The following ANKRD28 variants were observed in gnomAD, a reference collection of about 807,000 sequenced individuals.
ANKRD28 encodes the protein serine/threonine-protein phosphatase 6 regulatory ankyrin repeat subunit A.
Under a neutral mutation model 126.5 loss-of-function variants are expected in ANKRD28, and 44 were observed. That is an observed-to-expected ratio of 0.35 (90% CI 0.27 to 0.45). The LOEUF (loss-of-function observed/expected upper bound fraction) is 0.45, where lower values mean the gene tolerates loss of function less well. ANKRD28 is among the 20% of genes least tolerant of loss of function. ANKRD28 has a pLI of 1.00. For synonymous variants in ANKRD28, 442 were observed against 468.5 expected (o/e 0.94, Z 0.73); for missense variants, 1,110 against 1,316.6 (o/e 0.84, Z 2.43).
chr3:15,805,923 C>T (rs547101180), intron 1 of ANKRD28, among the ~76,000 whole-genome samples: 3 of 152,192 alleles, frequency 2.0e-5, no homozygotes, highest in South Asian at 2.1e-4. Context: ...CAACTGCATA[C>T]ATCACTTCCG....
At chr3:15,841,014 G>T (rs1005435002) in intron 1 of ANKRD28, among the ~76,000 whole-genome samples, 1 of 152,120 alleles carries the variant, frequency 6.6e-6, no homozygotes, top group Non-Finnish European at 1.5e-5. Context: ...GATGGTGCAC[G>T]CCTGTAATCC....
intron 6 of ANKRD28, among the ~76,000 whole-genome samples, chr3:15,727,410 T>C (rs2074248269): frequency 6.6e-6 from 1 of 150,716 alleles, no homozygotes; most frequent in Non-Finnish European, 1.5e-5. Flanking sequence ...CTACTAAAAG[T>C]ACAAAAATTA....
In ANKRD28 at chr3:15,854,371, T is replaced by A. The variant is rs546007822; in HGVS notation, c.27+5006A>T. Among the ~76,000 whole-genome samples, 4 of 152,354 alleles carry A rather than the reference T, an allele frequency of 2.6e-5. No homozygotes were observed. The South Asian group carries it at 8.3e-4, about 32-fold the overall frequency. ...CCCTCTTGTTGCTTTCATTGACAAC[T>A]GCTTGCTTTCAACATCCACATATAC... is the stretch of plus-strand genomic sequence containing the variant. On this transcript the variant is annotated intron_variant, in intron 1 of 27. Coordinates refer to the ANKRD28 transcript ENST00000399451. This position sits in a 1 kb window ranked among gnomAD's most constrained non-coding sequence, Gnocchi z 4.1.
At chr3:15,755,191 A>C (rs1375242217) in intron 3 of ANKRD28, among the ~76,000 whole-genome samples, 1 of 152,236 alleles carries the variant, frequency 6.6e-6, no homozygotes, top group African/African-American at 2.4e-5. Context: ...AGCCTAATCA[A>C]ATGTTTTTAA....
chr3:15,823,308 C>T (rs1347893138), intron 1 of ANKRD28, among the ~76,000 whole-genome samples: 3 of 152,206 alleles, frequency 2.0e-5, no homozygotes, highest in Admixed American at 6.5e-5. Context: ...TTGAAGGCCG[C>T]TCACCTCCTG....
chr3:15,837,413 A>G (rs1295369722), intron 1 of ANKRD28, among the ~76,000 whole-genome samples: 1 of 152,224 alleles, frequency 6.6e-6, no homozygotes, highest in African/African-American at 2.4e-5. Flanking sequence ...CAAGTCTCAA[A>G]TTTAAAAGAA....
intron 1 of ANKRD28, among the ~76,000 whole-genome samples, chr3:15,828,183 G>A (rs1480705414): frequency 2.0e-5 from 3 of 152,162 alleles, no homozygotes; most frequent in Non-Finnish European, 2.9e-5. Flanking sequence ...CAGATCTGAT[G>A]AATGGAGAAT....
chr3:15,671,080 CACTT>C (rs1434489420), intron 27 of ANKRD28, among the ~76,000 whole-genome samples: 1 of 152,222 alleles, frequency 6.6e-6, no homozygotes, highest in East Asian at 1.9e-4. Flanking sequence ...GAATGAATGA[CACTT>C]AGTTGTCAAT....
intron 3 of ANKRD28, among the ~76,000 whole-genome samples, chr3:15,763,811 TA>T (rs2058613559): frequency 6.6e-6 from 1 of 152,166 alleles, no homozygotes; most frequent in African/African-American, 2.4e-5. Flanking sequence ...AAGGCCAATG[TA>T]AAAACTTAAT....
intron 2 of ANKRD28, among the ~76,000 whole-genome samples, chr3:15,787,112 T>C (rs1437817546): frequency 5.3e-5 from 8 of 152,064 alleles, no homozygotes; most frequent in Admixed American, 5.2e-4. Flanking sequence ...TTATAAAGAA[T>C]GAGGAAAGTC....
At chr3:15,695,388 T>A (rs1299360100) in intron 15 of ANKRD28, among the ~76,000 whole-genome samples, 174 bp from the exon 16 acceptor site, 1 of 152,140 alleles carries the variant, frequency 6.6e-6, no homozygotes, top group East Asian at 1.9e-4. Context: ...CAAATCTATA[T>A]ACATAGGTCT....
intron 2 of ANKRD28, among the ~76,000 whole-genome samples, chr3:15,786,746 A>G (rs529181519): frequency 7.9e-5 from 12 of 152,230 alleles, no homozygotes; most frequent in African/African-American, 2.4e-4. Context: ...GCTATACCAT[A>G]TAACTATCAA....
chr3:15,778,006 C>T (rs9840256), intron 2 of ANKRD28, among the ~76,000 whole-genome samples: 212 of 152,144 alleles, frequency 1.4e-3, no homozygotes, highest in Non-Finnish European at 2.7e-3. Context: ...TATATTCATT[C>T]GCTTCTAACA....
At chr3:15,827,222 A>C (rs919552065) in intron 1 of ANKRD28, among the ~76,000 whole-genome samples, 8 of 152,170 alleles carry the variant, frequency 5.3e-5, no homozygotes, top group Admixed American at 3.3e-4. Flanking sequence ...TCCTCAAAAA[A>C]TTAAAAATAA....
At chr3:15,765,616 C>T (rs186967848) in intron 3 of ANKRD28, among the ~76,000 whole-genome samples, 3 of 152,152 alleles carry the variant, frequency 2.0e-5, no homozygotes, top group East Asian at 3.9e-4. Flanking sequence ...CCAAGACAGG[C>T]AGATCACAAG....
rs570622244 is a variant in ANKRD28, at chr3:15,687,108, A to AT, written c.1964-800dup. Among the ~76,000 whole-genome samples the AT allele has an allele frequency of 5.8e-3, 877 of 151,316 alleles. 5 individuals are homozygous for AT. Among genetic ancestry groups the AT allele is most frequent in the African/African-American group, 0.02 (825 of 41,166 alleles). ...CAGGCGCCTGCCACCACACCCGGCG[A>AT]TTTTTTTTGTATTTTTAGGAGAGAT... On this transcript the variant is annotated intron_variant, in intron 18 of 27. Coordinates refer to ENST00000683139, the MANE Select transcript of ANKRD28 (RefSeq NM_001349278.2).
intron 9 of ANKRD28, 115 bp downstream of exon 9, chr3:15,714,462 TA>T (rs2072744785): frequency 1.3e-6 from 1 of 747,264 alleles, no homozygotes; most frequent in Non-Finnish European, 2.1e-6. Flanking sequence ...AATCATGTAT[TA>T]AAAATACACA....
intron 8 of ANKRD28, 58 bp from the exon 9 acceptor site, chr3:15,714,714 G>T: frequency 2.4e-6 from 3 of 1,226,450 alleles, no homozygotes; most frequent in Non-Finnish European, 2.2e-6. Flanking sequence ...GTAAACCTTA[G>T]TTTTACTTTG....
At chr3:15,850,263 A>AGAGAGAGAGAGAGAGAGAGAG (rs1282754856) in intron 1 of ANKRD28, among the ~76,000 whole-genome samples, 15 of 139,710 alleles carry the variant, frequency 1.1e-4, no homozygotes, top group South Asian at 2.4e-4. Context: ...AGAGAGAGAG[A>AGAGAGAGAGAGAGAGAGAGAG]AAGTTGAAAT....
Sources: gnomAD v4.1 joint callset for allele counts (sites outside exome capture counted in the v4.1 genomes callset) on GRCh38, gnomAD v4.1.1 for gene constraint, Gnocchi (gnomAD v3.1) non-coding constraint, MANE v1.5 for transcripts, NCBI Gene and HGNC (gene_info 2026-07-23, HGNC 2026-07-21) for gene names.